The following CMSS1 variants were observed in gnomAD, a reference collection of about 807,000 sequenced individuals.
CMSS1 encodes protein CMSS1.
Under a neutral mutation model 43.5 loss-of-function variants are expected in CMSS1, and 33 were observed. The observed-to-expected ratio is 0.76, with a 90% confidence interval of 0.57 to 1.01. The LOEUF is 1.01. Ranked by LOEUF, CMSS1 falls within the 50% of genes least tolerant of loss-of-function variation. The pLI, the probability that CMSS1 is intolerant of heterozygous loss-of-function variation, is 0.00. For synonymous variants in CMSS1, 115 were observed against 117.2 expected (o/e 0.98, Z 0.12); for missense variants, 313 against 326.4 (o/e 0.96, Z 0.32).
In CMSS1 at chr3:99,830,513, C is replaced by T. The variant is rs115071595; in HGVS notation, c.64+12470C>T. On this transcript the variant is annotated intron_variant, in intron 1 of 9. Coordinates refer to ENST00000421999, the MANE Select transcript of CMSS1 (RefSeq NM_032359.4). ...TTTGGTAAATAGGCTTATCCATAGG[C>T]ACTGTGGGGGCTTTAGTGGAAATCT... is the stretch of plus-strand genomic sequence containing the variant. 2.0e-3 allele frequency: 926 copies of T among 456,704 alleles called. 2 individuals carry two copies. Among genetic ancestry groups the T allele is most frequent in the Non-Finnish European group, 3.3e-3 (746 of 226,968 alleles). 28.3% of individuals were successfully genotyped at this position (456,704 alleles called of 1,614,324 possible). A position where few individuals can be genotyped will look rare whatever the true frequency, so the allele number is the denominator to read the frequency against.
At chr3:99,883,960 A>C (rs1055890703) in intron 1 of CMSS1, among the ~76,000 whole-genome samples, 1 of 152,202 alleles carries the variant, frequency 6.6e-6, no homozygotes, top group African/African-American at 2.4e-5. Context: ...GTTTTGTAGT[A>C]AGATTTGGAT....
At chr3:100,119,701 T>TA (rs1029471456) in intron 1 of CMSS1, among the ~76,000 whole-genome samples, 17 of 152,008 alleles carry the variant, frequency 1.1e-4, no homozygotes, top group African/African-American at 2.2e-4. Context: ...AGCTAGAGGG[T>TA]AAAAAAAATA....
At chr3:100,092,498 G>C (rs982753082) in intron 1 of CMSS1, among the ~76,000 whole-genome samples, 7 of 151,734 alleles carry the variant, frequency 4.6e-5, no homozygotes, top group African/African-American at 1.7e-4. Context: ...AGTACAAATG[G>C]AAGTTAAGGT....
At chr3:99,955,156 A>T (rs757981394) in intron 1 of CMSS1, among the ~76,000 whole-genome samples, 1 of 152,226 alleles carries the variant, frequency 6.6e-6, no homozygotes, top group Non-Finnish European at 1.5e-5. Flanking sequence ...TGGCTGTATC[A>T]TTCTAGCAAT....
chr3:100,148,388 A>G (rs2066873037), intron 2 of CMSS1, among the ~76,000 whole-genome samples: 1 of 152,278 alleles, frequency 6.6e-6, no homozygotes, highest in Non-Finnish European at 1.5e-5. Context: ...CTTATGTGTG[A>G]TCTTTTAAAG....
chr3:100,101,341 A>G (rs2066301924), intron 1 of CMSS1, among the ~76,000 whole-genome samples: 1 of 152,162 alleles, frequency 6.6e-6, no homozygotes, highest in Non-Finnish European at 1.5e-5. Context: ...ACAGACCAGG[A>G]CCAGAGACTT....
At chr3:100,076,196 A>AC (rs759103363) in intron 1 of CMSS1, among the ~76,000 whole-genome samples, 4 of 152,120 alleles carry the variant, frequency 2.6e-5, no homozygotes, top group Non-Finnish European at 5.9e-5. Context: ...AGAGTTAAGT[A>AC]CCTCTTTTTG....
chr3:100,066,773 C>T (rs535235408), intron 1 of CMSS1, among the ~76,000 whole-genome samples: 1 of 94,596 alleles, frequency 1.1e-5, no homozygotes, highest in East Asian at 2.7e-4. Context: ...CCTCGTGATC[C>T]GCCCGCCTCG....
intron 1 of CMSS1, among the ~76,000 whole-genome samples, chr3:100,133,255 T>C (rs902759805): frequency 2.6e-5 from 4 of 152,142 alleles, no homozygotes; most frequent in Admixed American, 2.0e-4. Flanking sequence ...TCAAGACTAA[T>C]GACATGGGGA....
intron 1 of CMSS1, among the ~76,000 whole-genome samples, chr3:100,013,460 T>C (rs1710226954): frequency 1.3e-5 from 2 of 151,632 alleles, no homozygotes; most frequent in African/African-American, 2.4e-5. Context: ...GCCAGACTGG[T>C]CTCAAACTCC....
At chr3:100,171,588 A>G (rs2067110492) in intron 6 of CMSS1, among the ~76,000 whole-genome samples, 1 of 152,234 alleles carries the variant, frequency 6.6e-6, no homozygotes, top group South Asian at 2.1e-4. Flanking sequence ...GTAATCAAGG[A>G]AGCCTAAGTA....
intron 1 of CMSS1, among the ~76,000 whole-genome samples, chr3:99,824,111 C>T (rs896205258): frequency 8.6e-5 from 13 of 151,920 alleles, no homozygotes; most frequent in East Asian, 5.8e-4. Context: ...TTAGCAGAGA[C>T]GGGATTTCAC....
intron 1 of CMSS1, among the ~76,000 whole-genome samples, chr3:100,039,083 A>G (rs1302022451): frequency 6.6e-6 from 1 of 152,236 alleles, no homozygotes; most frequent in Non-Finnish European, 1.5e-5. Flanking sequence ...TAATGCTTAT[A>G]AAAAGAATAG....
chr3:100,117,874 T>C (rs1215290786), intron 1 of CMSS1, among the ~76,000 whole-genome samples: 1 of 130,070 alleles, frequency 7.7e-6, no homozygotes, highest in Non-Finnish European at 1.6e-5. Context: ...TATATATATA[T>C]ATATACACAT....
chr3:99,979,209 A>G (rs770670102), intron 1 of CMSS1, among the ~76,000 whole-genome samples: 27 of 152,180 alleles, frequency 1.8e-4, no homozygotes, highest in Non-Finnish European at 3.4e-4. Context: ...AATATATACA[A>G]TTACCTATCA....
intron 1 of CMSS1, among the ~76,000 whole-genome samples, chr3:99,943,962 G>A (rs940950420): frequency 1.3e-5 from 2 of 152,192 alleles, no homozygotes; most frequent in African/African-American, 2.4e-5. Flanking sequence ...ACAAGATGCT[G>A]TGCCTGGTAC....
intron 1 of CMSS1, among the ~76,000 whole-genome samples, chr3:99,928,902 G>A (rs1707381871): frequency 1.3e-5 from 2 of 152,304 alleles, no homozygotes; most frequent in East Asian, 3.9e-4. Flanking sequence ...TCACCCCGTA[G>A]AGAAGCAGAT....
intron 1 of CMSS1, among the ~76,000 whole-genome samples, chr3:99,946,399 A>G (rs926989154): frequency 6.6e-6 from 1 of 152,212 alleles, no homozygotes; most frequent in Non-Finnish European, 1.5e-5. Flanking sequence ...AAGGGTGTGT[A>G]AGCAGTATCC....
At chr3:99,954,256 G>T (rs188037881) in intron 1 of CMSS1, among the ~76,000 whole-genome samples, 1 of 152,192 alleles carries the variant, frequency 6.6e-6, no homozygotes, top group Non-Finnish European at 1.5e-5. Context: ...TTGAGCCCAG[G>T]TCATCTAATT....
Sources: allele counts gnomAD v4.1 joint callset (sites outside exome capture counted in the v4.1 genomes callset), GRCh38; gene constraint gnomAD v4.1.1; transcripts MANE v1.5; gene names NCBI Gene and HGNC (gene_info 2026-07-23, HGNC 2026-07-21).